The following NAV2 variants were observed in gnomAD, a reference collection of about 807,000 sequenced individuals.
NAV2 encodes helicase, APC down-regulated 1.
In NAV2, 54 loss-of-function variants were observed where a neutral mutation model predicts 223.2. That is an observed-to-expected ratio of 0.24 (90% CI 0.19 to 0.30). The LOEUF (loss-of-function observed/expected upper bound fraction) is 0.30, where lower values mean the gene tolerates loss of function less well. Ranked by LOEUF, NAV2 falls within the 10% of genes least tolerant of loss-of-function variation. The pLI is 1.00. For synonymous variants in NAV2, 1,279 were observed against 1,239.3 expected (o/e 1.03, Z -0.67); for missense variants, 2,806 against 3,147.5 (o/e 0.89, Z 2.60).
intron 1 of NAV2, among the ~76,000 whole-genome samples, chr11:19,728,197 T>C (rs1017271269): frequency 1.3e-5 from 2 of 152,200 alleles, no homozygotes; most frequent in Non-Finnish European, 2.9e-5. Flanking sequence ...CCATAGCATA[T>C]GAGACAGTAT....
At chr11:19,739,408 A>G (rs1770065914) in intron 1 of NAV2, among the ~76,000 whole-genome samples, 1 of 152,318 alleles carries the variant, frequency 6.6e-6, no homozygotes, top group Admixed American at 6.5e-5. Context: ...GCCCAAGGTC[A>G]CACAGGAAAT....
chr11:19,377,538 G>A (rs868529138), intron 1 of NAV2, among the ~76,000 whole-genome samples: 2 of 152,170 alleles, frequency 1.3e-5, no homozygotes, highest in Non-Finnish European at 2.9e-5. Flanking sequence ...GGCTCCTTGG[G>A]GGAGAGACTG....
chr11:19,976,755 C>A (rs1424550445), intron 10 of NAV2, among the ~76,000 whole-genome samples: 1 of 152,224 alleles, frequency 6.6e-6, no homozygotes, highest in Non-Finnish European at 1.5e-5. Context: ...AGCAGAGAAG[C>A]AGGGGCTGGT....
chr11:19,792,501 G>A (rs2152732138), intron 1 of NAV2, among the ~76,000 whole-genome samples: 1 of 152,280 alleles, frequency 6.6e-6, no homozygotes, highest in East Asian at 1.9e-4. Context: ...TGCACCTCAC[G>A]CTTCCAGAGG....
At chr11:19,624,916 T>C (rs775809455) in intron 1 of NAV2, among the ~76,000 whole-genome samples, 24 of 152,236 alleles carry the variant, frequency 1.6e-4, no homozygotes, top group Non-Finnish European at 2.6e-4. Context: ...CAAAATATTT[T>C]AACATTTATT....
At chr11:19,750,797 A>G (rs2053739880) in intron 1 of NAV2, among the ~76,000 whole-genome samples, 1 of 152,214 alleles carries the variant, frequency 6.6e-6, no homozygotes, top group Non-Finnish European at 1.5e-5. Context: ...ATTTCTATAC[A>G]CAAATGCCAC....
intron 1 of NAV2, among the ~76,000 whole-genome samples, chr11:19,523,813 C>T (rs889851376): frequency 1.4e-4 from 22 of 152,228 alleles, no homozygotes; most frequent in African/African-American, 4.8e-4. Context: ...CTTCACTCTT[C>T]ACCTCCCATC....
intron 1 of NAV2, among the ~76,000 whole-genome samples, chr11:19,760,684 T>C (rs2054664304): frequency 6.6e-6 from 1 of 152,168 alleles, no homozygotes; most frequent in Non-Finnish European, 1.5e-5. Flanking sequence ...GAGAGAAGAA[T>C]CTAGTGCCCT....
At chr11:19,401,052 T>C (rs557349564) in intron 1 of NAV2, among the ~76,000 whole-genome samples, 6 of 152,342 alleles carry the variant, frequency 3.9e-5, no homozygotes, top group African/African-American at 1.2e-4. Flanking sequence ...ACAGAGCAGA[T>C]TGTCTCCAGC....
rs57916066 is a variant in NAV2, at chr11:19,688,774, A to G, written c.76-143710A>G. On this transcript the variant is annotated intron_variant, in intron 1 of 37. Transcript: ENST00000360655. ...TATATAATGTGGGGATAGAGTTAGT[A>G]TCAGGCTTTACCTCTGAAAGGAAAG... Among the ~76,000 whole-genome samples the G allele has an allele frequency of 0.015, 2,229 of 152,262 alleles. 117 individuals carry two copies. The East Asian group carries it at 0.17, about 12-fold the overall frequency.
At chr11:19,605,384 C>T (rs1033856968) in intron 1 of NAV2, among the ~76,000 whole-genome samples, 4 of 152,192 alleles carry the variant, frequency 2.6e-5, no homozygotes, top group South Asian at 4.1e-4. Flanking sequence ...ATGGACTCCT[C>T]TGCACTGATC....
intron 1 of NAV2, among the ~76,000 whole-genome samples, chr11:19,677,795 T>C (rs924507379): frequency 1.1e-4 from 17 of 152,234 alleles, no homozygotes; most frequent in African/African-American, 4.1e-4. Flanking sequence ...GTCATGACCA[T>C]TCGTTTCTGT....
At chr11:19,476,547 T>A (rs1335770315) in intron 1 of NAV2, among the ~76,000 whole-genome samples, 1 of 151,956 alleles carries the variant, frequency 6.6e-6, no homozygotes, top group African/African-American at 2.4e-5. Context: ...TACCCTCACA[T>A]GTAAAAAAAG....
intron 1 of NAV2, among the ~76,000 whole-genome samples, chr11:19,512,759 A>G (rs2043319107): frequency 2.0e-5 from 3 of 152,338 alleles, no homozygotes; most frequent in South Asian, 4.1e-4. Flanking sequence ...GTTTCCCAGC[A>G]GTGTGTTTTC....
chr11:19,918,919 T>A (rs1319525124), intron 6 of NAV2, among the ~76,000 whole-genome samples: 2 of 152,204 alleles, frequency 1.3e-5, no homozygotes, highest in Non-Finnish European at 2.9e-5. Flanking sequence ...TTCTGCTTTA[T>A]GCTCTGTTTC....
intron 3 of NAV2, among the ~76,000 whole-genome samples, chr11:19,852,754 T>C (rs2061217189): frequency 7.8e-6 from 1 of 128,114 alleles, no homozygotes; most frequent in South Asian, 2.7e-4. Context: ...ATATCCATAT[T>C]CTCAGCACCT....
chr11:19,623,384 C>T (rs956458014), intron 1 of NAV2, among the ~76,000 whole-genome samples: 18 of 152,184 alleles, frequency 1.2e-4, no homozygotes, highest in Non-Finnish European at 2.1e-4. Context: ...CCATTCTCCC[C>T]GTCACTTTCA....
intron 6 of NAV2, among the ~76,000 whole-genome samples, chr11:19,913,183 G>T (rs1487802068): frequency 6.6e-6 from 1 of 152,082 alleles, no homozygotes; most frequent in Non-Finnish European, 1.5e-5. Flanking sequence ...AAATAATTAG[G>T]GTACCTAATT....
At chr11:19,711,096 G>C (rs1456896603), upstream of NAV2, 2 of 152,230 alleles carry the variant, frequency 1.3e-5, no homozygotes, top group Non-Finnish European at 2.9e-5. Context: ...ATTTCAGAGA[G>C]AGGGAGGATA....
Sources: gnomAD v4.1 joint callset for allele counts (sites outside exome capture counted in the v4.1 genomes callset) on GRCh38, gnomAD v4.1.1 for gene constraint, MANE v1.5 for transcripts, NCBI Gene and HGNC (gene_info 2026-07-23, HGNC 2026-07-21) for gene names.